OTOGL: variants seen among roughly 807,000 people sequenced by gnomAD.
The protein encoded by OTOGL is otogelin like, also known as otogelin-like protein.
OTOGL carries 285 observed loss-of-function variants against 318.5 expected under a neutral mutation model. The observed-to-expected ratio is 0.89, with a 90% confidence interval of 0.81 to 0.99. The LOEUF (loss-of-function observed/expected upper bound fraction) is 0.99. OTOGL is among the 50% of genes least tolerant of loss of function. OTOGL has a pLI of 0.00. For synonymous variants in OTOGL, 987 were observed against 936.5 expected, an observed-to-expected ratio of 1.05 and a Z score of -0.99; for missense variants, 2,899 against 2,845.6, an observed-to-expected ratio of 1.02 and a Z score of -0.43.
chr12:80,105,270 C>T (rs1005537905), intron 1 of OTOGL, among the ~76,000 whole-genome samples: 1 of 151,946 alleles, frequency 6.6e-6, no homozygotes, highest in Non-Finnish European at 1.5e-5. Flanking sequence ...GAGAAAAAGT[C>T]GCATCAAAAT....
At chr12:80,216,575 T>C (rs1375455155) in intron 4 of OTOGL, among the ~76,000 whole-genome samples, 1 of 152,190 alleles carries the variant, frequency 6.6e-6, no homozygotes, top group Non-Finnish European at 1.5e-5. Flanking sequence ...CATAAATCTC[T>C]TTTTTGCTAA....
intron 29 of OTOGL, among the ~76,000 whole-genome samples, chr12:80,306,821 T>TTA (rs1291057214): frequency 2.4e-5 from 3 of 125,940 alleles, no homozygotes; most frequent in South Asian, 2.7e-4. Context: ...TATTATTATT[T>TTA]TTTAATTGAT....
chr12:80,291,056 T>C (rs1312938466), intron 26 of OTOGL, among the ~76,000 whole-genome samples: 1 of 152,196 alleles, frequency 6.6e-6, no homozygotes, highest in Non-Finnish European at 1.5e-5. Context: ...CATTTATCAT[T>C]GTCATTTCAA....
chr12:80,293,413 C>G (rs1483773586), intron 26 of OTOGL, among the ~76,000 whole-genome samples: 1 of 151,992 alleles, frequency 6.6e-6, no homozygotes, highest in Non-Finnish European at 1.5e-5. Context: ...CAATATTTAC[C>G]ATTCTTTTTC....
chr12:80,326,839 T>C (rs1887704970), intron 35 of OTOGL, among the ~76,000 whole-genome samples: 1 of 152,204 alleles, frequency 6.6e-6, no homozygotes, highest in Non-Finnish European at 1.5e-5. Context: ...TTTCTTGTCT[T>C]TAAAAAGTGT....
At chr12:80,212,491 T>C (rs1877342893) in intron 4 of OTOGL, among the ~76,000 whole-genome samples, 1 of 152,192 alleles carries the variant, frequency 6.6e-6, no homozygotes, top group African/African-American at 2.4e-5. Context: ...AGGTAACTTT[T>C]TTTTGGAGGG....
chr12:80,116,185 A>G lies in OTOGL; in HGVS notation c.-20+16580A>G, dbSNP rs1870150448. Among the ~76,000 whole-genome samples the G allele has an allele frequency of 3.3e-5, 5 of 152,208 alleles. No homozygotes were observed. The South Asian group carries it at 1.0e-3, about 32-fold the overall frequency. On this transcript the variant is annotated intron_variant, in intron 1 of 58. Coordinates refer to ENST00000547103, the MANE Select transcript of OTOGL (RefSeq NM_001378609.3). ...AACCCAAGGCCTTGGTGGTGTAGGC[A>G]CCTGAGGGAATCTCCTGGTCTGTGG... is the stretch of plus-strand genomic sequence containing the variant.
intron 37 of OTOGL, among the ~76,000 whole-genome samples, chr12:80,331,794 T>A (rs1250809757): frequency 6.6e-6 from 1 of 152,146 alleles, no homozygotes; most frequent in African/African-American, 2.4e-5. Flanking sequence ...TATGCCTGGA[T>A]CATGAGATGG....
intron 7 of OTOGL, among the ~76,000 whole-genome samples, chr12:80,227,979 G>A (rs1034841761): frequency 3.9e-5 from 6 of 151,900 alleles, no homozygotes; most frequent in Admixed American, 2.0e-4. Flanking sequence ...TCTATTAGCC[G>A]TTTTCCTCTA....
intron 4 of OTOGL, among the ~76,000 whole-genome samples, chr12:80,216,065 A>G (rs886920432): frequency 1.1e-4 from 17 of 152,152 alleles, no homozygotes; most frequent in African/African-American, 4.1e-4. Context: ...CTGCAGTCCC[A>G]GCTACTCAGG....
At chr12:80,332,675 A>AT (rs905292359) in intron 37 of OTOGL, among the ~76,000 whole-genome samples, 22 of 152,058 alleles carry the variant, frequency 1.4e-4, no homozygotes, top group Non-Finnish European at 2.8e-4. Flanking sequence ...TACTATTAAT[A>AT]TTTTTTTTAC....
chr12:80,329,088 A>G lies in OTOGL; in HGVS notation c.4317A>G (p.Pro1439=). 6.4e-7 allele frequency: 1 copy of G among 1,556,714 alleles called. No individual in the cohort carries two copies. The highest frequency in any genetic ancestry group is 2.3e-5 in the East Asian group (1 of 43,914). The part of the protein sequence containing the change: ...PVIPTEPTLM[P]PAKPTVPMFT... ...TTCCCACAGAACCAACATTAATGCC[A>G]CCAGCTAAGCCAACTGTGCCCATGT... is the stretch of plus-strand genomic sequence containing the variant. Residue 1439 remains proline, a synonymous_variant, in exon 37 of 59, where the codon CCA becomes CCG. Coordinates refer to ENST00000547103, the MANE Select transcript of OTOGL (RefSeq NM_001378609.3).
intron 26 of OTOGL, among the ~76,000 whole-genome samples, chr12:80,291,029 T>C (rs1002498864): frequency 2.0e-5 from 3 of 152,212 alleles, no homozygotes; most frequent in Admixed American, 1.3e-4. Context: ...TTTCTTTTTT[T>C]AGTAGAGAAA....
chr12:80,189,526 G>C, intron 1 of OTOGL: 1 of 893,502 alleles, frequency 1.1e-6, no homozygotes, highest in Non-Finnish European at 1.3e-6. Flanking sequence ...TCATTTCTTG[G>C]AAGAAGTGAA....
At position 80,271,720 on chromosome 12, in the gene OTOGL, T is replaced by G; in HGVS notation, c.2591T>G (p.Val864Gly). Residue 864 changes from valine (V) to glycine (G), a missense_variant, in exon 24 of 59, where the codon GTT becomes GGT. By Grantham distance (109) the Val-to-Gly change is moderately radical. Around this residue, in one of 3 missense-constraint regions of OTOGL, gnomAD observed 2,607 missense variants for 2,524.9 expected, o/e 1.03. Transcript: ENST00000547103. ...GACCCTGAATTACCAGCTGGTGGTG[T>G]TAATTGTGAGACTACATGTGCAAAC... ...FPDPELPAGGVNCETTCANLA... is the reference protein window; with the variant it reads ...FPDPELPAGGGNCETTCANLA... 1 of 1,612,958 alleles carries G rather than the reference T, an allele frequency of 6.2e-7. No individual in the cohort carries two copies. Among genetic ancestry groups the G allele is most frequent in the Non-Finnish European group, 8.5e-7 (1 of 1,179,310 alleles).
At chr12:80,325,182 C>A (rs1362187456) in intron 35 of OTOGL, among the ~76,000 whole-genome samples, 1 of 151,746 alleles carries the variant, frequency 6.6e-6, no homozygotes, top group African/African-American at 2.4e-5. Flanking sequence ...AGATCCAGCC[C>A]CTCTGTAAGA....
intron 15 of OTOGL, 34 bp from the exon 16 acceptor site, chr12:80,255,006 T>G: frequency 7.1e-7 from 1 of 1,410,398 alleles, no homozygotes; most frequent in Non-Finnish European, 9.2e-7. Context: ...CCACCTCCTT[T>G]TCTTTTTCTT....
rs759975960 is a variant in OTOGL, at chr12:80,335,947, CT to C, written c.4423-9del. The C allele has an allele frequency of 2.0e-6, 3 of 1,493,000 alleles. No individual in the cohort carries two copies. The highest frequency in any genetic ancestry group is 2.7e-5 in the South Asian group (2 of 74,020). The allele number at this position is 1,493,000 out of a possible 1,614,324, so 92.5% of individuals were successfully genotyped here. A position where few individuals can be genotyped will look rare whatever the true frequency, so the allele number is the denominator to read the frequency against. On this transcript the variant is annotated splice_polypyrimidine_tract_variant and intron_variant, in intron 38 of 58. Coordinates refer to ENST00000547103, the MANE Select transcript of OTOGL (RefSeq NM_001378609.3). ...GCTGAGAATGAAAAAACCCACTAAT[CT>C]TTTTTTATTAACAGCCTCAGAAATT...
intron 24 of OTOGL, among the ~76,000 whole-genome samples, chr12:80,272,965 C>A (rs1883528429): frequency 6.6e-6 from 1 of 151,984 alleles, no homozygotes; most frequent in Non-Finnish European, 1.5e-5. Context: ...CACAACATTG[C>A]TTGATTTATT....
Sources: gnomAD v4.1 joint callset for allele counts (sites outside exome capture counted in the v4.1 genomes callset) on GRCh38, gnomAD v4.1.1 for gene constraint, gnomAD v4.1.1 regional missense constraint, MANE v1.5 for transcripts, NCBI Gene and HGNC (gene_info 2026-07-23, HGNC 2026-07-21) for gene names.